Variants in ARL15 observed in about 807,000 individuals in gnomAD.
The protein encoded by ARL15 is ARF like GTPase 15.
In ARL15, 19 loss-of-function variants were observed where a neutral mutation model predicts 25.2. The ratio of observed to expected loss-of-function variants is 0.75; its 90% CI spans 0.53 to 1.10. ARL15 has a LOEUF of 1.10. Ranked by LOEUF, ARL15 falls within the 50% of genes least tolerant of loss-of-function variation. ARL15 has a pLI of 0.00. For missense variants in ARL15, 220 were observed against 246.0 expected (o/e 0.89, Z 0.71); for synonymous variants, 94 against 86.8 (o/e 1.08, Z -0.46).
At chr5:54,043,545 G>A (rs1750409257) in intron 4 of ARL15, among the ~76,000 whole-genome samples, 6 of 152,036 alleles carry the variant, frequency 3.9e-5, no homozygotes, top group Admixed American at 3.3e-4. Flanking sequence ...GGTAAAGGCT[G>A]GAAATTTCCT....
intron 1 of ARL15, among the ~76,000 whole-genome samples, chr5:54,239,224 G>T (rs937568031): frequency 4.5e-5 from 5 of 110,766 alleles, no homozygotes; most frequent in Admixed American, 1.7e-4. Context: ...AGGCTTTTAT[G>T]AATGCCATTT....
At chr5:54,199,589 A>G (rs1165711044) in intron 1 of ARL15, among the ~76,000 whole-genome samples, 1 of 151,680 alleles carries the variant, frequency 6.6e-6, no homozygotes, top group African/African-American at 2.4e-5. Context: ...CAAAACCACA[A>G]TGAGATATCA....
At chr5:54,210,756 C>T (rs1756016911) in intron 1 of ARL15, among the ~76,000 whole-genome samples, 4 of 152,216 alleles carry the variant, frequency 2.6e-5, no homozygotes, top group Admixed American at 2.6e-4. Context: ...AGAATATTTA[C>T]AAATACAAAT....
chr5:54,229,185 C>A (rs1376901004), intron 1 of ARL15, among the ~76,000 whole-genome samples: 1 of 152,184 alleles, frequency 6.6e-6, no homozygotes, highest in Non-Finnish European at 1.5e-5. Context: ...CAACTATAGC[C>A]TTCCTAGAAA....
At chr5:53,890,876 T>C (rs1384663930) in intron 4 of ARL15, among the ~76,000 whole-genome samples, 1 of 152,222 alleles carries the variant, frequency 6.6e-6, no homozygotes, top group Admixed American at 6.5e-5. Flanking sequence ...TACATAGCAC[T>C]GGAGACCCAC....
intron 4 of ARL15, among the ~76,000 whole-genome samples, chr5:53,906,555 T>C (rs1745255467): frequency 6.6e-6 from 1 of 152,164 alleles, no homozygotes; most frequent in African/African-American, 2.4e-5. Flanking sequence ...TTCCCCTCAC[T>C]TTCTCACAAA....
chr5:54,080,298 A>G (rs1330318830), intron 4 of ARL15, among the ~76,000 whole-genome samples: 1 of 152,206 alleles, frequency 6.6e-6, no homozygotes, highest in Non-Finnish European at 1.5e-5. Context: ...AGACAGAAAC[A>G]AAAGACATCG....
At chr5:54,289,464 A>C (rs1296938804) in intron 1 of ARL15, among the ~76,000 whole-genome samples, 1 of 152,264 alleles carries the variant, frequency 6.6e-6, no homozygotes, top group East Asian at 1.9e-4. Flanking sequence ...AGACAATAAA[A>C]GAGATGCCAA....
rs529213314 is a variant in ARL15 at position 54,091,813 on chromosome 5, C to T, written c.462+21389G>A. Among the ~76,000 whole-genome samples, 326 of 151,804 alleles carry T rather than the reference C, an allele frequency of 2.1e-3. 1 individual carries two copies. The highest frequency in any genetic ancestry group is 7.6e-3 in the African/African-American group (315 of 41,412). ...AAAAAATGCAATGGGCCCTGCTGGT[C>T]CCAGGCATCAGCTAGGGAATCTAGG... On this transcript the variant is annotated intron_variant, in intron 4 of 4. Transcript: ENST00000504924.
At position 53,931,377 on chromosome 5, in the gene ARL15, C is replaced by T. The variant is rs181786657; in HGVS notation, c.463-44664G>A. On this transcript the variant is annotated intron_variant, in intron 4 of 4. Coordinates refer to ENST00000504924, the MANE Select transcript of ARL15 (RefSeq NM_019087.3). ...GTTACTGTTTAAAGCAAATTACTGT[C>T]ATTTTATTTTGCTGAAAGATTTAAG... 1.6e-3 allele frequency among the ~76,000 whole-genome samples: 242 copies of T among 152,298 alleles called. 1 individual carries two copies. The highest frequency in any genetic ancestry group is 2.9e-3 in the South Asian group (14 of 4,826).
chr5:54,282,747 GA>G (rs999308695), intron 1 of ARL15, among the ~76,000 whole-genome samples: 11 of 152,188 alleles, frequency 7.2e-5, no homozygotes, highest in African/African-American at 2.2e-4. Context: ...ATAATGGATA[GA>G]AAAAAATCTC....
At chr5:53,904,116 T>C (rs959148892) in intron 4 of ARL15, among the ~76,000 whole-genome samples, 53 of 152,258 alleles carry the variant, frequency 3.5e-4, no homozygotes, top group Middle Eastern at 3.4e-3. Context: ...TTCAAAACAA[T>C]AGCACATAGA....
chr5:53,923,249 C>A (rs1183198441), intron 4 of ARL15, among the ~76,000 whole-genome samples: 2 of 152,262 alleles, frequency 1.3e-5, no homozygotes, highest in South Asian at 2.1e-4. Flanking sequence ...ACCTCCCACA[C>A]CAGAAACAAA....
chr5:54,310,460 G>T lies in ARL15; in HGVS notation c.20C>A (p.Thr7Asn). The change falls in exon 1 of 5, where the codon ACT (threonine) becomes AAT (asparagine). Residue 7 changes from threonine (T) to asparagine (N), a missense_variant. Transcript: ENST00000504924. MSDLRI[T>N]EAFLYMDYLC... ...ATAATCCATGTACAGAAACGCCTCA[G>T]TTATTCGGAGATCAGACATCCGGCA... The T allele has an allele frequency of 6.2e-7, 1 of 1,608,956 alleles. No homozygotes were observed. The highest frequency in any genetic ancestry group is 8.5e-7 in the Non-Finnish European group (1 of 1,177,904).
At chr5:54,298,680 G>A (rs1758532254) in intron 1 of ARL15, among the ~76,000 whole-genome samples, 1 of 151,856 alleles carries the variant, frequency 6.6e-6, no homozygotes, top group African/African-American at 2.4e-5. Flanking sequence ...GCCCATGACA[G>A]CCCTCTGGCC....
intron 1 of ARL15, among the ~76,000 whole-genome samples, chr5:54,208,798 C>T (rs1755948011): frequency 6.6e-6 from 1 of 152,206 alleles, no homozygotes; most frequent in Admixed American, 6.5e-5. Flanking sequence ...CATGATAATT[C>T]AGGGGGCCCC....
intron 4 of ARL15, among the ~76,000 whole-genome samples, chr5:53,982,505 G>A (rs1748156772): frequency 6.6e-6 from 1 of 152,070 alleles, no homozygotes; most frequent in Non-Finnish European, 1.5e-5. Context: ...TCCCTGCAAA[G>A]GACATGGATT....
intron 4 of ARL15, among the ~76,000 whole-genome samples, chr5:53,920,594 C>A (rs1745817796): frequency 6.6e-6 from 1 of 151,290 alleles, no homozygotes; most frequent in East Asian, 1.9e-4. Flanking sequence ...ATCACTTGAG[C>A]CCAGGAGTTT....
intron 3 of ARL15, among the ~76,000 whole-genome samples, chr5:54,143,096 A>T (rs921644331): frequency 1.3e-5 from 2 of 152,200 alleles, no homozygotes; most frequent in African/African-American, 4.8e-5. Flanking sequence ...CTATTTGATT[A>T]TAAAAATATA....
Sources: allele counts gnomAD v4.1 joint callset (sites outside exome capture counted in the v4.1 genomes callset), GRCh38; gene constraint gnomAD v4.1.1; transcripts MANE v1.5; gene names NCBI Gene and HGNC (gene_info 2026-07-23, HGNC 2026-07-21).